DNAH14: variants seen among roughly 807,000 people sequenced by gnomAD.
DNAH14 encodes dynein axonemal heavy chain 14.
In DNAH14, 478 loss-of-function variants were observed where a neutral mutation model predicts 520.9. The observed-to-expected ratio is 0.92, with a 90% confidence interval of 0.85 to 0.99. The LOEUF is 0.99. DNAH14 is among the 50% of genes least tolerant of loss of function. The probability of loss-of-function intolerance (pLI) is 0.00; values close to 1 mark genes in which losing one functional copy is unlikely to be tolerated. For synonymous variants in DNAH14, 1,581 were observed against 1,757.2 expected (o/e 0.90, Z 2.51); for missense variants, 4,831 against 5,234.5 (o/e 0.92, Z 2.38).
intron 47 of DNAH14, among the ~76,000 whole-genome samples, chr1:225,264,871 C>G (rs775258793): frequency 3.3e-5 from 5 of 152,116 alleles, no homozygotes; most frequent in African/African-American, 7.2e-5. Context: ...AGGGAATATA[C>G]CCTAATTTTA....
rs142378580 is a variant in DNAH14 at position 225,106,832 on chromosome 1, C to T, written c.3867+5948C>T. Among the ~76,000 whole-genome samples the T allele has an allele frequency of 2.8e-3, 431 of 152,266 alleles. 2 individuals are homozygous for T. The highest frequency in any genetic ancestry group is 0.02 in the Middle Eastern group (6 of 294). On this transcript the variant is annotated intron_variant, in intron 23 of 85. Transcript: ENST00000682510. Reference sequence around the variant, plus strand: ...TCTTTGCCATTGGTTCTACCTTCCTCCTTTAGCTCAGAATAGTTTGATCAT... The same window carrying T: ...TCTTTGCCATTGGTTCTACCTTCCTTCTTTAGCTCAGAATAGTTTGATCAT...
At chr1:225,140,740 T>C (rs555018755) in intron 27 of DNAH14, 28 bp from the exon 28 acceptor site, 5 of 1,390,584 alleles carry the variant, frequency 3.6e-6, no homozygotes, top group Non-Finnish European at 3.0e-6. Flanking sequence ...GAGAGAGATA[T>C]ATATATAACA....
In DNAH14 at chr1:225,151,015, T is replaced by C. The variant is rs142657494; in HGVS notation, c.4941-990T>C. On this transcript the variant is annotated intron_variant, in intron 31 of 85. Coordinates refer to ENST00000682510, the MANE Select transcript of DNAH14 (RefSeq NM_001367479.1). ...GCATGAGCCACCACACCCAGTGAGA[T>C]AAAAAGCAAAGTGGGTATACTGGCC... 1.7e-3 allele frequency among the ~76,000 whole-genome samples: 257 copies of C among 152,260 alleles called. 2 individuals carry two copies. The highest frequency in any genetic ancestry group is 5.9e-3 in the African/African-American group (246 of 41,550).
intron 73 of DNAH14, 107 bp downstream of exon 73, chr1:225,353,995 AGTACATTTC>A (rs2095402198): frequency 1.4e-6 from 1 of 724,178 alleles, no homozygotes; most frequent in East Asian, 2.7e-5. Flanking sequence ...GTATTTTTAA[AGTACATTTC>A]GTGAACGTTA....
At chr1:225,315,792 G>C (rs1352147367) in intron 60 of DNAH14, among the ~76,000 whole-genome samples, 1 of 152,222 alleles carries the variant, frequency 6.6e-6, no homozygotes, top group Non-Finnish European at 1.5e-5. Context: ...ATTGCTGCCT[G>C]CTCCTTCCGC....
chr1:225,042,209 G>A (rs1186538946), intron 12 of DNAH14, among the ~76,000 whole-genome samples: 1 of 152,204 alleles, frequency 6.6e-6, no homozygotes, highest in Admixed American at 6.5e-5. Context: ...GAAACACAGA[G>A]GAGTCATTAT....
intron 54 of DNAH14, among the ~76,000 whole-genome samples, chr1:225,289,287 T>C (rs922250579): frequency 3.3e-5 from 5 of 151,778 alleles, no homozygotes; most frequent in African/African-American, 1.2e-4. Context: ...GGCCTGAGAG[T>C]TGGATGGTGA....
chr1:225,381,705 T>A (rs2095785942), intron 81 of DNAH14, 126 bp downstream of exon 81: 1 of 792,128 alleles, frequency 1.3e-6, no homozygotes, highest in Admixed American at 3.1e-5. Flanking sequence ...GATGCTGACG[T>A]ACTTTTTCAT....
rs113965219 is a variant in DNAH14 at position 225,012,874 on chromosome 1, A to G, written c.1107+5330A>G. On this transcript the variant is annotated intron_variant, in intron 10 of 85. Coordinates refer to ENST00000682510, the MANE Select transcript of DNAH14 (RefSeq NM_001367479.1). ...TTAGAAATTCCTCCAGCCTTTTATC[A>G]AGGTTCTTACCTTCCTTGCATTGGG... Among the ~76,000 whole-genome samples the G allele has an allele frequency of 2.7e-3, 416 of 152,266 alleles. 3 individuals are homozygous for G. Among genetic ancestry groups the G allele is most frequent in the African/African-American group, 9.4e-3 (390 of 41,560 alleles).
intron 46 of DNAH14, 129 bp from the exon 47 acceptor site, chr1:225,264,068 C>G (rs899201141): frequency 5.6e-6 from 4 of 711,148 alleles, no homozygotes; most frequent in Non-Finnish European, 9.2e-6. Context: ...AAGGTGGAAA[C>G]AGAAAAAAAA....
chr1:225,216,208 A>C (rs1299173624), intron 41 of DNAH14, among the ~76,000 whole-genome samples: 1 of 152,084 alleles, frequency 6.6e-6, no homozygotes, highest in African/African-American at 2.4e-5. Flanking sequence ...TCCTTTAAGA[A>C]TGTTGAATAT....
chr1:224,952,785 A>G lies in DNAH14; in HGVS notation c.77+6A>G. 1 of 1,573,184 alleles carries G rather than the reference A, an allele frequency of 6.4e-7. No homozygotes were observed. The highest frequency in any genetic ancestry group is 8.6e-7 in the Non-Finnish European group (1 of 1,160,206). ...GAAACCAAGACAAAACCAAGGTAAA[A>G]GTAAGATAAAATATAATGAGTTTTT... On this transcript the variant is annotated splice_donor_region_variant and intron_variant, in intron 2 of 85. Transcript: ENST00000682510.
intron 38 of DNAH14, among the ~76,000 whole-genome samples, chr1:225,199,411 C>T (rs1419582797): frequency 1.3e-5 from 2 of 151,760 alleles, no homozygotes; most frequent in African/African-American, 2.4e-5. Context: ...TTCTCTAGTT[C>T]CTTGAAGTGT....
intron 27 of DNAH14, among the ~76,000 whole-genome samples, chr1:225,124,208 G>A (rs995231009): frequency 1.3e-5 from 2 of 152,172 alleles, no homozygotes; most frequent in African/African-American, 4.8e-5. Context: ...GATTTTGATG[G>A]TTGCTGACCG....
intron 17 of DNAH14, among the ~76,000 whole-genome samples, chr1:225,074,390 G>A (rs1397154111): frequency 6.6e-6 from 1 of 152,206 alleles, no homozygotes; most frequent in Non-Finnish European, 1.5e-5. Context: ...CAGTGAGGAG[G>A]AACAGATACG....
At chr1:225,070,217 C>G (rs2071399896) in intron 17 of DNAH14, among the ~76,000 whole-genome samples, 2 of 152,052 alleles carry the variant, frequency 1.3e-5, no homozygotes, top group African/African-American at 4.8e-5. Flanking sequence ...TCAGTTCACT[C>G]TGATTTTGGT....
At chr1:225,207,306 T>C (rs1461954355) in intron 41 of DNAH14, 86 bp downstream of exon 41, 4 of 1,353,994 alleles carry the variant, frequency 3.0e-6, no homozygotes, top group Non-Finnish European at 2.9e-6. Context: ...TTTAGAAAAT[T>C]TTTCAAAGAG....
At chr1:225,200,321 T>TA (rs1178812684) in intron 38 of DNAH14, among the ~76,000 whole-genome samples, 1 of 152,216 alleles carries the variant, frequency 6.6e-6, no homozygotes, top group Non-Finnish European at 1.5e-5. Flanking sequence ...TTAGGCCATC[T>TA]ACATTCAATG....
chr1:225,076,882 T>C (rs554575190), intron 17 of DNAH14, among the ~76,000 whole-genome samples: 1 of 152,174 alleles, frequency 6.6e-6, no homozygotes, highest in East Asian at 1.9e-4. Flanking sequence ...TCCATGTTGG[T>C]TTGCTGCACC....
Sources: allele counts gnomAD v4.1 joint callset (sites outside exome capture counted in the v4.1 genomes callset), GRCh38; gene constraint gnomAD v4.1.1; transcripts MANE v1.5; gene names NCBI Gene and HGNC (gene_info 2026-07-23, HGNC 2026-07-21).